ARL15: variants seen among roughly 807,000 people sequenced by gnomAD.
ARL15 encodes ADP-ribosylation factor-like protein 15.
Under a neutral mutation model 25.2 loss-of-function variants are expected in ARL15, and 19 were observed. That is an observed-to-expected ratio of 0.75 (90% CI 0.53 to 1.10). The LOEUF (loss-of-function observed/expected upper bound fraction) is 1.10. Among genes scored for constraint, ARL15 ranks in the 50% least tolerant of loss-of-function variants. ARL15 has a pLI of 0.00. For missense variants in ARL15, 220 were observed against 246.0 expected (o/e 0.89, Z 0.71); for synonymous variants, 94 against 86.8 (o/e 1.08, Z -0.46).
At chr5:54,256,413 TA>T (rs35505658) in intron 1 of ARL15, among the ~76,000 whole-genome samples, 1,125 of 99,472 alleles carry the variant, frequency 0.011, 9 homozygotes, top group Middle Eastern at 0.026. Flanking sequence ...CGAATCAGTT[TA>T]AAAAAAAAAA....
intron 4 of ARL15, among the ~76,000 whole-genome samples, chr5:53,958,124 C>T (rs929261599): frequency 6.6e-5 from 10 of 151,304 alleles, no homozygotes; most frequent in East Asian, 3.9e-4. Flanking sequence ...ACAGGAGAAT[C>T]GCTTGAGCCT....
intron 1 of ARL15, among the ~76,000 whole-genome samples, chr5:54,257,883 G>A (rs902074524): frequency 1.3e-5 from 2 of 152,020 alleles, no homozygotes; most frequent in African/African-American, 4.8e-5. Flanking sequence ...TATAAACACA[G>A]GAGTATTGAC....
chr5:53,942,938 T>C (rs1746592747), intron 4 of ARL15, among the ~76,000 whole-genome samples: 1 of 151,980 alleles, frequency 6.6e-6, no homozygotes. Flanking sequence ...CCGCTGTGGA[T>C]TGCGTAGTAG....
chr5:54,138,304 C>T (rs1753666418), intron 3 of ARL15, among the ~76,000 whole-genome samples: 1 of 151,766 alleles, frequency 6.6e-6, no homozygotes, highest in South Asian at 2.1e-4. Context: ...ATAGTGAGAC[C>T]CCATCTCTAA....
At chr5:53,998,283 G>GAA (rs11287179) in intron 4 of ARL15, among the ~76,000 whole-genome samples, 7 of 116,554 alleles carry the variant, frequency 6.0e-5, no homozygotes, top group African/African-American at 6.2e-5. Context: ...GGGACATCAG[G>GAA]AAAAAAAAAA....
At chr5:54,153,643 T>C (rs1413785882) in intron 3 of ARL15, among the ~76,000 whole-genome samples, 3 of 152,196 alleles carry the variant, frequency 2.0e-5, no homozygotes, top group South Asian at 4.1e-4. Context: ...TGAAATTGAC[T>C]GGCAGAAGCG....
intron 4 of ARL15, among the ~76,000 whole-genome samples, chr5:54,027,912 ATTTC>A (rs781361889): frequency 1.3e-4 from 19 of 151,704 alleles, no homozygotes; most frequent in African/African-American, 3.9e-4. Flanking sequence ...AATAGACAGT[ATTTC>A]TTTCTTTCTT....
chr5:54,098,269 C>T (rs760539433), intron 4 of ARL15, among the ~76,000 whole-genome samples: 2 of 152,100 alleles, frequency 1.3e-5, no homozygotes, highest in African/African-American at 4.8e-5. Context: ...TGCAATTTAA[C>T]GACAACCCTG....
intron 4 of ARL15, among the ~76,000 whole-genome samples, chr5:53,945,237 C>A (rs1340898405): frequency 2.0e-5 from 3 of 152,222 alleles, no homozygotes; most frequent in African/African-American, 7.2e-5. Flanking sequence ...ATCGCTATTT[C>A]CACTGTACTC....
intron 4 of ARL15, among the ~76,000 whole-genome samples, chr5:53,975,036 G>A (rs1325450079): frequency 6.6e-6 from 1 of 152,194 alleles, no homozygotes; most frequent in Non-Finnish European, 1.5e-5. Context: ...CCTGGTATAT[G>A]AGCAGGACTG....
At chr5:54,155,183 C>T (rs1338490793) in intron 2 of ARL15, among the ~76,000 whole-genome samples, 1 of 152,036 alleles carries the variant, frequency 6.6e-6, no homozygotes, top group Admixed American at 6.6e-5. Flanking sequence ...TAACACTATC[C>T]CCTTTACTTC....
At chr5:54,188,203 TAACA>T (rs1755292132) in intron 1 of ARL15, among the ~76,000 whole-genome samples, 1 of 152,116 alleles carries the variant, frequency 6.6e-6, no homozygotes, top group Admixed American at 6.6e-5. Flanking sequence ...GGTCCTTGGC[TAACA>T]AACTCAGCTT....
At chr5:54,110,309 C>G (rs1752703237) in intron 4 of ARL15, among the ~76,000 whole-genome samples, 1 of 152,002 alleles carries the variant, frequency 6.6e-6, no homozygotes, top group African/African-American at 2.4e-5. Context: ...CTCCCCACTT[C>G]TAAAGTCAAC....
chr5:54,166,447 C>T (rs914319552), intron 2 of ARL15, among the ~76,000 whole-genome samples: 1 of 152,028 alleles, frequency 6.6e-6, no homozygotes, highest in Non-Finnish European at 1.5e-5. Context: ...GTGATACTTC[C>T]GCCTCAGCTT....
chr5:54,304,556 C>T (rs1758704038), intron 1 of ARL15, among the ~76,000 whole-genome samples: 1 of 152,166 alleles, frequency 6.6e-6, no homozygotes, highest in Non-Finnish European at 1.5e-5. Flanking sequence ...ACTGGAGCCA[C>T]AGAAGTTTGG....
chr5:54,200,577 T>A (rs1174135932), intron 1 of ARL15, among the ~76,000 whole-genome samples: 1 of 151,624 alleles, frequency 6.6e-6, no homozygotes, highest in African/African-American at 2.4e-5. Flanking sequence ...CCAGGAAGGA[T>A]AATAAAAAAA....
chr5:54,175,125 T>A lies in ARL15; in HGVS notation c.49-3197A>T, dbSNP rs113788352. 3.2e-3 allele frequency among the ~76,000 whole-genome samples: 491 copies of A among 152,356 alleles called. 2 individuals carry two copies. The highest frequency in any genetic ancestry group is 3.4e-3 in the Middle Eastern group (1 of 294). On this transcript the variant is annotated intron_variant, in intron 1 of 4. Coordinates refer to ENST00000504924, the MANE Select transcript of ARL15 (RefSeq NM_019087.3). ...TAGAGCATCCGGTTTAAATTATTCATGTCGTTATCACTCATATTTTTGCCA... is the reference window on the plus strand; with the variant it reads ...TAGAGCATCCGGTTTAAATTATTCAAGTCGTTATCACTCATATTTTTGCCA...
At chr5:54,171,684 C>T (rs993232149) in intron 2 of ARL15, 100 bp downstream of exon 2, 2 of 1,310,256 alleles carry the variant, frequency 1.5e-6, no homozygotes, top group Non-Finnish European at 2.0e-6. Flanking sequence ...CTGATTAAAG[C>T]ATTAAACTAT....
At chr5:54,130,958 T>C (rs1284950628) in intron 3 of ARL15, among the ~76,000 whole-genome samples, 1 of 152,132 alleles carries the variant, frequency 6.6e-6, no homozygotes, top group African/African-American at 2.4e-5. Context: ...TTAAATTGAA[T>C]TTGAGAGAAA....
Sources: allele counts gnomAD v4.1 joint callset (sites outside exome capture counted in the v4.1 genomes callset), GRCh38; gene constraint gnomAD v4.1.1; transcripts MANE v1.5; gene names NCBI Gene and HGNC (gene_info 2026-07-23, HGNC 2026-07-21).